The following NPAS1 variants were observed in gnomAD, a reference collection of about 807,000 sequenced individuals.
NPAS1 encodes the protein neuronal PAS domain-containing protein 1.
In NPAS1, 29 loss-of-function variants were observed where a neutral mutation model predicts 49.2. The ratio of observed to expected loss-of-function variants is 0.59; its 90% CI spans 0.44 to 0.80. The LOEUF is 0.80. Ranked by LOEUF, NPAS1 falls within the 30% of genes least tolerant of loss-of-function variation. The probability of loss-of-function intolerance (pLI) is 0.00; values close to 1 mark genes in which losing one functional copy is unlikely to be tolerated. For missense variants in NPAS1, 825 were observed against 835.5 expected (o/e 0.99, Z 0.15); for synonymous variants, 408 against 380.4 (o/e 1.07, Z -0.84).
intron 6 of NPAS1, among the ~76,000 whole-genome samples, chr19:47,038,466 G>GAGATCGTGCCACTGCACGCAGTAGGCCA (rs1568507751): frequency 6.7e-6 from 1 of 149,830 alleles, no homozygotes; most frequent in Non-Finnish European, 1.5e-5. Flanking sequence ...GCAGTAGGCC[G>GAGATCGTGCCACTGCACGCAGTAGGCCA]AGATCGTGCC....
In NPAS1 at chr19:47,045,178, C is replaced by T. The variant is rs763577313; in HGVS notation, c.1313-13C>T. 5.6e-6 allele frequency: 9 copies of T among 1,611,628 alleles called. No homozygotes were observed. Among genetic ancestry groups the T allele is most frequent in the Non-Finnish European group, 7.6e-6 (9 of 1,179,186 alleles). On this transcript the variant is annotated splice_polypyrimidine_tract_variant and intron_variant, in intron 11 of 11. Coordinates refer to ENST00000602212, the MANE Select transcript of NPAS1 (RefSeq NM_002517.4). Reference sequence around the variant, plus strand: ...GGGGACACACACAGGCCCTCAGCATCTTCCTCTTCCAGAGCCGGAGCCTCC... The same window carrying T: ...GGGGACACACACAGGCCCTCAGCATTTTCCTCTTCCAGAGCCGGAGCCTCC...
chr19:47,037,797 T>G (rs377358253), intron 6 of NPAS1, among the ~76,000 whole-genome samples: 7 of 152,226 alleles, frequency 4.6e-5, no homozygotes, highest in African/African-American at 1.7e-4. Flanking sequence ...TACCTGAGTT[T>G]TAGGCACAGG....
intron 6 of NPAS1, among the ~76,000 whole-genome samples, chr19:47,036,717 CA>C (rs57439342): frequency 0.21 from 28,032 of 131,022 alleles, 2,800 homozygotes; most frequent in East Asian, 0.29. Flanking sequence ...ACTAAAAATA[CA>C]AAAAAAAAAA....
At chr19:47,040,927 GC>G in intron 9 of NPAS1, 50 bp from the exon 10 acceptor site, 1 of 1,408,624 alleles carries the variant, frequency 7.1e-7, no homozygotes, top group Non-Finnish European at 9.3e-7. Context: ...TCTCTGTCTT[GC>G]CCCTGTCCCC....
chr19:47,032,406 T>C lies in NPAS1; in HGVS notation c.432+55T>C, dbSNP rs1008411623. The C allele has an allele frequency of 3.2e-6, 5 of 1,571,208 alleles. No individual in the cohort carries two copies. In the Admixed American group the frequency reaches 6.7e-5, roughly 21 times the overall value. ...TCCTTGCTACCACCTAGCGGCCGCC[T>C]CTGGAGAACAGCAGCCTCTTCAGCA... On this transcript the variant is annotated intron_variant, in intron 4 of 11. Transcript: ENST00000602212.
chr19:47,027,125 A>T (rs574597632), intron 3 of NPAS1, among the ~76,000 whole-genome samples: 5 of 152,160 alleles, frequency 3.3e-5, no homozygotes, highest in Non-Finnish European at 7.4e-5. Flanking sequence ...GCTTGCCCCC[A>T]TGCAGCCCTC....
At chr19:47,043,557 T>A (rs1286288045) in intron 11 of NPAS1, among the ~76,000 whole-genome samples, 1 of 151,858 alleles carries the variant, frequency 6.6e-6, no homozygotes, top group African/African-American at 2.4e-5. Context: ...GCCACTGCAC[T>A]CCAGTCTAGG....
chr19:47,040,945 C>T, intron 9 of NPAS1, 33 bp from the exon 10 acceptor site: 3 of 1,432,940 alleles, frequency 2.1e-6, no homozygotes, highest in East Asian at 2.6e-5. Flanking sequence ...CCCCACCCCA[C>T]CCCCTTCCCA....
At chr19:47,031,019 T>G (rs565275877) in intron 3 of NPAS1, among the ~76,000 whole-genome samples, 1 of 152,182 alleles carries the variant, frequency 6.6e-6, no homozygotes, top group East Asian at 1.9e-4. Context: ...TATCCCTCTG[T>G]CTCTGTCTTT....
At chr19:47,030,618 C>T (rs1254343326) in intron 3 of NPAS1, among the ~76,000 whole-genome samples, 2 of 149,800 alleles carry the variant, frequency 1.3e-5, no homozygotes, top group Non-Finnish European at 3.0e-5. Flanking sequence ...GTATGAGCCA[C>T]CGTGCCTGGC....
At position 47,041,158 on chromosome 19, in the gene NPAS1, C is replaced by T. The variant is rs1361498168; in HGVS notation, c.1217+33C>T. On this transcript the variant is annotated intron_variant, in intron 10 of 11. Transcript: ENST00000602212. ...CTGTGCCCACCCCTCCTGCAGGGCACTCAGGGCCCTGCTGTCTCTCCCCAC... is the reference window on the plus strand; with the variant it reads ...CTGTGCCCACCCCTCCTGCAGGGCATTCAGGGCCCTGCTGTCTCTCCCCAC... The T allele has an allele frequency of 4.6e-6, 7 of 1,510,156 alleles. No homozygotes were observed. The African/African-American group carries it at 8.4e-5, about 18-fold the overall frequency. 93.5% of individuals were successfully genotyped at this position (1,510,156 alleles called of 1,614,324 possible). A position where few individuals can be genotyped will look rare whatever the true frequency, so the allele number is the denominator to read the frequency against.
At chr19:47,023,714 G>A (rs1260568390) in intron 3 of NPAS1, among the ~76,000 whole-genome samples, 1 of 152,042 alleles carries the variant, frequency 6.6e-6, no homozygotes, top group Non-Finnish European at 1.5e-5. Flanking sequence ...GCACTTTGGG[G>A]CGCCAAGGTG....
chr19:47,040,912 C>T (rs1191018127), intron 9 of NPAS1, 66 bp from the exon 10 acceptor site: 3 of 1,345,082 alleles, frequency 2.2e-6, no homozygotes, highest in South Asian at 1.6e-5. Flanking sequence ...TCCTGTCTAC[C>T]TGGCTCTCTG....
chr19:47,021,938 G>GAGACAAGC lies in NPAS1; in HGVS notation c.358+92_358+93insGACAAGCA. On this transcript the variant is annotated intron_variant, in intron 3 of 11. Transcript: ENST00000602212. This position sits in a 1 kb window ranked among gnomAD's most constrained non-coding sequence, Gnocchi z 5.7. ...CGGGCTGCGGGCCTGCCCTCGCCCAGATGCTTGTCTCTGGAGTCAGCCAGG... is the reference window on the plus strand; with the variant it reads ...CGGGCTGCGGGCCTGCCCTCGCCCAGAGACAAGCATGCTTGTCTCTGGAGTCAGCCAGG... 1 of 820,984 alleles carries GAGACAAGC rather than the reference G, an allele frequency of 1.2e-6. No individual in the cohort carries two copies. The highest frequency in any genetic ancestry group is 1.7e-6 in the Non-Finnish European group (1 of 572,134). 50.9% of individuals were successfully genotyped at this position (820,984 alleles called of 1,614,324 possible). A position where few individuals can be genotyped will look rare whatever the true frequency, so the allele number is the denominator to read the frequency against.
chr19:47,031,374 G>GT (rs2056904307), intron 3 of NPAS1, among the ~76,000 whole-genome samples: 1 of 150,792 alleles, frequency 6.6e-6, no homozygotes. Context: ...ATTTTTTTGT[G>GT]TTTTTAGTAG....
In NPAS1 at chr19:47,021,184, G is replaced by GCCCCCCTGGCCGCGGGCC. The variant is rs1555770028; in HGVS notation, c.122+22_122+39dup. The GCCCCCCTGGCCGCGGGCC allele has an allele frequency of 2.6e-6, 4 of 1,511,858 alleles. No homozygotes were observed. Among genetic ancestry groups the GCCCCCCTGGCCGCGGGCC allele is most frequent in the Non-Finnish European group, 3.5e-6 (4 of 1,132,792 alleles). 93.7% of individuals were successfully genotyped at this position (1,511,858 alleles called of 1,614,324 possible). ...TCCGGACCGTGGTGAGCAAAGCCCC[G>GCCCCCCTGGCCGCGGGCC]CCCCCCTGGCCGCGGGCCCCCCCCC... On this transcript the variant is annotated intron_variant, in intron 2 of 11. Transcript: ENST00000602212. The surrounding 1 kb of genome is among the most constrained non-coding windows in gnomAD (Gnocchi z 5.7).
chr19:47,034,314 C>CA (rs76817156), intron 5 of NPAS1, among the ~76,000 whole-genome samples: 58,664 of 92,454 alleles, frequency 0.63, 17,157 homozygotes, highest in Non-Finnish European at 0.68. Flanking sequence ...AACTCCGTCT[C>CA]AAAAAAAAAA....
At chr19:47,029,055 GTTTTTGTT>G (rs2056890522) in intron 3 of NPAS1, among the ~76,000 whole-genome samples, 1 of 143,858 alleles carries the variant, frequency 7.0e-6, no homozygotes, top group East Asian at 2.2e-4. Context: ...TTTTTTTTTA[GTTTTTGTT>G]TGTTTGTTTG....
chr19:47,031,989 A>G (rs2056908735), intron 3 of NPAS1, among the ~76,000 whole-genome samples: 1 of 152,128 alleles, frequency 6.6e-6, no homozygotes, highest in Non-Finnish European at 1.5e-5. Context: ...AGTGCAGGAC[A>G]TAGGGAGGGT....
Sources: gnomAD v4.1 joint callset for allele counts (sites outside exome capture counted in the v4.1 genomes callset) on GRCh38, gnomAD v4.1.1 for gene constraint, Gnocchi (gnomAD v3.1) non-coding constraint, MANE v1.5 for transcripts, NCBI Gene and HGNC (gene_info 2026-07-23, HGNC 2026-07-21) for gene names.